Variants in TTC21B observed in about 807,000 individuals in gnomAD.
TTC21B encodes tetratricopeptide repeat domain 21B.
In TTC21B, 127 loss-of-function variants were observed where a neutral mutation model predicts 175.1. The ratio of observed to expected loss-of-function variants is 0.73; its 90% CI spans 0.63 to 0.84. The LOEUF is 0.84. Ranked by LOEUF, TTC21B falls within the 40% of genes least tolerant of loss-of-function variation. The pLI, the probability that TTC21B is intolerant of heterozygous loss-of-function variation, is 0.00. For missense variants in TTC21B, 1,561 were observed against 1,558.3 expected, an observed-to-expected ratio of 1.00 and a Z score of -0.03; for synonymous variants, 524 against 524.5, an observed-to-expected ratio of 1.00 and a Z score of 0.01.
intron 19 of TTC21B, 24 bp from the exon 20 acceptor site, chr2:165,901,934 GAATA>G (rs777272896): frequency 1.9e-6 from 3 of 1,568,938 alleles, no homozygotes; most frequent in Non-Finnish European, 2.6e-6. Context: ...GTATAAAAGG[GAATA>G]AAAAAAAAAA....
rs115206825 is a variant in TTC21B at position 165,945,015 on chromosome 2, G to C, written c.429+509C>G. ...CAAAGTAAGCAAGCAATAAATGTTAGCTATTATTTTCTTGCATACTTTAAT... is the reference window on the plus strand; with the variant it reads ...CAAAGTAAGCAAGCAATAAATGTTACCTATTATTTTCTTGCATACTTTAAT... On this transcript the variant is annotated intron_variant, in intron 4 of 28. Transcript: ENST00000243344. Among the ~76,000 whole-genome samples, 1,481 of 152,268 alleles carry C rather than the reference G, an allele frequency of 9.7e-3. 28 individuals are homozygous for C. Among genetic ancestry groups the C allele is most frequent in the African/African-American group, 0.034 (1,429 of 41,558 alleles).
At chr2:165,882,243 G>A (rs1034848860) in intron 26 of TTC21B, among the ~76,000 whole-genome samples, 1 of 152,134 alleles carries the variant, frequency 6.6e-6, no homozygotes, top group African/African-American at 2.4e-5. Context: ...GCTGGAAAAT[G>A]TCTATGATGA....
rs1559065135 is a variant in TTC21B, at chr2:165,927,349, A to ATTTT, written c.1386+1785_1386+1786insAAAA. ...TATATATAATATATAATATATATAT[A>ATTTT]ATATATTTTATATATATATATATAT... is the stretch of plus-strand genomic sequence containing the variant. On this transcript the variant is annotated intron_variant, in intron 11 of 28. Transcript: ENST00000243344. 7.6e-4 allele frequency among the ~76,000 whole-genome samples: 65 copies of ATTTT among 85,544 alleles called. 1 individual carries two copies. The highest frequency in any genetic ancestry group is 2.5e-3 in the African/African-American group (63 of 25,604). 56.1% of individuals were successfully genotyped at this position (85,544 alleles called of 152,430 possible). A position where few individuals can be genotyped will look rare whatever the true frequency, so the allele number is the denominator to read the frequency against.
At chr2:165,924,422 T>C (rs1686541155) in intron 12 of TTC21B, 127 bp downstream of exon 12, 1 of 824,210 alleles carries the variant, frequency 1.2e-6, no homozygotes, top group African/African-American at 1.7e-5. Flanking sequence ...AAATTACTTA[T>C]CTATGCATAT....
chr2:165,949,100 G>T, intron 3 of TTC21B: 1 of 374,526 alleles, frequency 2.7e-6, no homozygotes, highest in South Asian at 3.0e-5. Flanking sequence ...TGTTTCTTTG[G>T]CTGTCCTTTT....
chr2:165,934,363 G>A (rs58973702), intron 6 of TTC21B, among the ~76,000 whole-genome samples: 5,751 of 151,600 alleles, frequency 0.038, 346 homozygotes, highest in African/African-American at 0.13. Context: ...TTAGCAGGGC[G>A]TGGTGGTGGG....
chr2:165,903,787 G>A (rs1266545340), intron 19 of TTC21B, among the ~76,000 whole-genome samples: 1 of 152,178 alleles, frequency 6.6e-6, no homozygotes, highest in Non-Finnish European at 1.5e-5. Flanking sequence ...GTTACATAAT[G>A]TGGAGAATTA....
chr2:165,902,020 A>G (rs1050723361), intron 19 of TTC21B, 110 bp from the exon 20 acceptor site: 31 of 975,792 alleles, frequency 3.2e-5, no homozygotes, highest in Non-Finnish European at 4.4e-5. Context: ...TGAACCCTTG[A>G]TCTAACAAAG....
At chr2:165,935,490 G>A (rs558288286) in intron 6 of TTC21B, among the ~76,000 whole-genome samples, 2 of 152,162 alleles carry the variant, frequency 1.3e-5, no homozygotes, top group East Asian at 1.9e-4. Flanking sequence ...ATGCTACTCA[G>A]TTTTAAAATG....
intron 17 of TTC21B, 54 bp downstream of exon 17, chr2:165,912,460 C>T: frequency 5.1e-6 from 7 of 1,360,990 alleles, no homozygotes; most frequent in Non-Finnish European, 7.4e-6. Context: ...TTCTCGAGGA[C>T]AGGGTATGAT....
chr2:165,924,659 G>C lies in TTC21B; in HGVS notation c.1406C>G (p.Pro469Arg), dbSNP rs370444625. 6 of 1,613,576 alleles carry C rather than the reference G, an allele frequency of 3.7e-6. No homozygotes were observed. The highest frequency in any genetic ancestry group is 5.1e-6 in the Non-Finnish European group (6 of 1,179,714). ...GCAACGCCTGAGAAGTGGACAAAGAGGTTGCCCAGGACTTGCAGGCTAAAC... is the reference window on the plus strand; with the variant it reads ...GCAACGCCTGAGAAGTGGACAAAGACGTTGCCCAGGACTTGCAGGCTAAAC... Reference protein sequence around the residue: ...CPMQPASPGQPLCPLLRRCIS... With the variant: ...CPMQPASPGQRLCPLLRRCIS... Residue 469 changes from proline to arginine, a missense_variant, in exon 12 of 29, where the codon CCT (proline) becomes CGT (arginine). By Grantham distance (103) the Pro-to-Arg change is moderately radical. Coordinates refer to ENST00000243344, the MANE Select transcript of TTC21B (RefSeq NM_024753.5).
At chr2:165,946,449 T>G (rs904289997) in intron 3 of TTC21B, among the ~76,000 whole-genome samples, 3 of 152,200 alleles carry the variant, frequency 2.0e-5, no homozygotes, top group African/African-American at 7.2e-5. Flanking sequence ...TAAATAAGTT[T>G]TCTAATAACT....
intron 3 of TTC21B, among the ~76,000 whole-genome samples, chr2:165,946,993 G>C (rs1051140900): frequency 6.6e-6 from 1 of 151,348 alleles, no homozygotes; most frequent in Non-Finnish European, 1.5e-5. Context: ...GGTACTCAAC[G>C]TATTAATAAT....
chr2:165,883,785 A>G lies in TTC21B; in HGVS notation c.3684+9T>C. Reference sequence around the variant, plus strand: ...GTCAATAATTATTTTTTACTCTTCAATCACCTACTCTATTATGACGCAGGC... The same window carrying G: ...GTCAATAATTATTTTTTACTCTTCAGTCACCTACTCTATTATGACGCAGGC... On this transcript the variant is annotated intron_variant, in intron 26 of 28. Coordinates refer to ENST00000243344, the MANE Select transcript of TTC21B (RefSeq NM_024753.5). The G allele has an allele frequency of 1.2e-6, 2 of 1,606,430 alleles. No homozygotes were observed. The highest frequency in any genetic ancestry group is 1.7e-6 in the Non-Finnish European group (2 of 1,173,120).
Position 165,926,910 on chromosome 2 carries a change from A to G in TTC21B, c.1386+2225T>C, listed in dbSNP as rs183076887. On this transcript the variant is annotated intron_variant, in intron 11 of 28. Transcript: ENST00000243344. ...TTGCTCCTCGGCTTACAGACAGCCT[A>G]TTGTGGGACACTGTGATCGTGTGAG... Among the ~76,000 whole-genome samples the G allele has an allele frequency of 6.1e-5, 9 of 148,740 alleles. No homozygotes were observed. In the East Asian group the frequency reaches 1.8e-3, roughly 30 times the overall value.
chr2:165,949,397 G>T lies in TTC21B; in HGVS notation c.259C>A (p.Pro87Thr), dbSNP rs547942484. ...LIYAHKMSPNPDREAILESDA... is the reference protein window; with the variant it reads ...LIYAHKMSPNTDREAILESDA... Reference sequence around the variant, plus strand: ...GCATTGCATTTAAATATCATACCTGGATTAGGACTCATTTTATGGGCATAT... The same window carrying T: ...GCATTGCATTTAAATATCATACCTGTATTAGGACTCATTTTATGGGCATAT... The change falls in exon 3 of 29, where the codon CCA becomes ACA. Residue 87 changes from proline to threonine, a missense_variant. Coordinates refer to ENST00000243344, the MANE Select transcript of TTC21B (RefSeq NM_024753.5). 8 of 1,606,010 alleles carry T rather than the reference G, an allele frequency of 5.0e-6. No individual in the cohort carries two copies. In the East Asian group the frequency reaches 1.8e-4, roughly 36 times the overall value.
intron 6 of TTC21B, among the ~76,000 whole-genome samples, chr2:165,936,842 T>A (rs1316568895): frequency 6.6e-6 from 1 of 152,102 alleles, no homozygotes; most frequent in Non-Finnish European, 1.5e-5. Context: ...TCTCATTCAT[T>A]GCTGGTGGGA....
At chr2:165,950,702 C>A (rs1273404675) in intron 1 of TTC21B, among the ~76,000 whole-genome samples, 1 of 152,156 alleles carries the variant, frequency 6.6e-6, no homozygotes, top group Non-Finnish European at 1.5e-5. Flanking sequence ...TCTCTGCCCC[C>A]TAGGTTTAAG....
intron 27 of TTC21B, among the ~76,000 whole-genome samples, chr2:165,877,724 T>C (rs539826848): frequency 6.6e-6 from 1 of 152,270 alleles, no homozygotes; most frequent in East Asian, 1.9e-4. Context: ...TGTATATATA[T>C]GTATGTCTAT....
Sources: gnomAD v4.1 joint callset for allele counts (sites outside exome capture counted in the v4.1 genomes callset) on GRCh38, gnomAD v4.1.1 for gene constraint, MANE v1.5 for transcripts, NCBI Gene and HGNC (gene_info 2026-07-23, HGNC 2026-07-21) for gene names.